Variants in RNF180 observed in about 807,000 individuals in gnomAD.
RNF180 encodes the protein E3 ubiquitin-protein ligase RNF180.
A neutral mutation model predicts 59.2 loss-of-function variants in RNF180; 38 were observed. That is an observed-to-expected ratio of 0.64 (90% CI 0.50 to 0.84). The LOEUF (loss-of-function observed/expected upper bound fraction) is 0.84, where lower values mean the gene tolerates loss of function less well. Ranked by LOEUF, RNF180 falls within the 40% of genes least tolerant of loss-of-function variation. The pLI, the probability that RNF180 is intolerant of heterozygous loss-of-function variation, is 0.00. For synonymous variants in RNF180, 262 were observed against 240.3 expected (o/e 1.09, Z -0.84); for missense variants, 705 against 700.9 (o/e 1.01, Z -0.07).
At chr5:64,317,103 T>C (rs1744078299) in intron 5 of RNF180, among the ~76,000 whole-genome samples, 1 of 152,170 alleles carries the variant, frequency 6.6e-6, no homozygotes, top group Non-Finnish European at 1.5e-5. Flanking sequence ...CACATATAAG[T>C]GGACCCACCC....
chr5:64,213,274 T>C (rs1752404145), intron 3 of RNF180, among the ~76,000 whole-genome samples: 2 of 152,216 alleles, frequency 1.3e-5, no homozygotes, highest in African/African-American at 2.4e-5. Context: ...ACTGTATCCA[T>C]ATTCAACCTA....
chr5:64,370,406 AC>A lies in RNF180; in HGVS notation c.*593del, dbSNP rs1746621859. 2 of 151,874 alleles carry A rather than the reference AC, an allele frequency of 1.3e-5. No individual in the cohort carries two copies. Among genetic ancestry groups the A allele is most frequent in the South Asian group, 4.1e-4 (2 of 4,824 alleles). 9.4% of individuals were successfully genotyped at this position (151,874 alleles called of 1,614,324 possible). On this transcript the variant is annotated 3_prime_UTR_variant, in exon 8 of 8. Transcript: ENST00000389100. ...CATTTTAAATTATTATAAACAGAAT[AC>A]TAAATACAAATCATGAGACTAATCC...
intron 5 of RNF180, among the ~76,000 whole-genome samples, chr5:64,244,482 G>C (rs1205806728): frequency 6.6e-6 from 1 of 151,962 alleles, no homozygotes; most frequent in Non-Finnish European, 1.5e-5. Context: ...GTCGAAGAAA[G>C]GATATCAGAG....
intron 2 of RNF180, 124 bp downstream of exon 2, chr5:64,201,066 T>G: frequency 1.4e-6 from 1 of 738,582 alleles, no homozygotes. Context: ...GTCATGACTC[T>G]TTGTCTCTCA....
chr5:64,267,686 C>T (rs1282510472), intron 5 of RNF180, among the ~76,000 whole-genome samples: 6 of 152,112 alleles, frequency 3.9e-5, no homozygotes, highest in African/African-American at 1.4e-4. Flanking sequence ...ATGAACTCAT[C>T]ATTTTTTATG....
At chr5:64,237,246 C>T (rs1322581816) in intron 5 of RNF180, among the ~76,000 whole-genome samples, 2 of 152,256 alleles carry the variant, frequency 1.3e-5, no homozygotes, top group Admixed American at 6.5e-5. Flanking sequence ...GGAGCCCACT[C>T]ATTGCATCAG....
chr5:64,223,733 C>T (rs1741491133), intron 5 of RNF180, among the ~76,000 whole-genome samples: 1 of 151,670 alleles, frequency 6.6e-6, no homozygotes, highest in Non-Finnish European at 1.5e-5. Context: ...TATCTTTATT[C>T]TTCATTCATC....
chr5:64,231,929 T>A (rs1742125311), intron 5 of RNF180, among the ~76,000 whole-genome samples: 1 of 152,190 alleles, frequency 6.6e-6, no homozygotes, highest in African/African-American at 2.4e-5. Flanking sequence ...AAAATGTTCC[T>A]TTATTTTAAG....
intron 1 of RNF180, among the ~76,000 whole-genome samples, chr5:64,179,093 A>T: frequency 6.6e-6 from 1 of 152,182 alleles, no homozygotes; most frequent in East Asian, 1.9e-4. Context: ...CTTAAATGGA[A>T]ATCGAATGCT....
intron 5 of RNF180, among the ~76,000 whole-genome samples, chr5:64,322,757 G>T (rs530567896): frequency 6.6e-6 from 1 of 152,100 alleles, no homozygotes; most frequent in African/African-American, 2.4e-5. Flanking sequence ...ACCAAACATT[G>T]TATGTTCTCA....
chr5:64,333,619 T>G (rs1192209250), intron 7 of RNF180, among the ~76,000 whole-genome samples: 1 of 151,380 alleles, frequency 6.6e-6, no homozygotes, highest in Non-Finnish European at 1.5e-5. Context: ...CTACCTTCTA[T>G]GCTATACCCA....
chr5:64,200,372 T>C (rs546163938), intron 1 of RNF180, among the ~76,000 whole-genome samples: 3 of 152,196 alleles, frequency 2.0e-5, no homozygotes, highest in Non-Finnish European at 4.4e-5. Flanking sequence ...AGAGGATTGC[T>C]TGAGCCCAGG....
intron 7 of RNF180, among the ~76,000 whole-genome samples, chr5:64,366,542 C>T (rs1746455572): frequency 6.6e-6 from 1 of 151,474 alleles, no homozygotes; most frequent in Non-Finnish European, 1.5e-5. Context: ...AATATGTTTT[C>T]CAAGTTGCTT....
intron 2 of RNF180, among the ~76,000 whole-genome samples, chr5:64,209,783 T>A (rs1409158521): frequency 6.6e-6 from 1 of 152,108 alleles, no homozygotes; most frequent in Non-Finnish European, 1.5e-5. Flanking sequence ...AAAGAATTCA[T>A]TAGAGTTATG....
At chr5:64,295,717 A>G (rs1742852484) in intron 5 of RNF180, among the ~76,000 whole-genome samples, 1 of 152,088 alleles carries the variant, frequency 6.6e-6, no homozygotes, top group African/African-American at 2.4e-5. Flanking sequence ...CATTTAGGTT[A>G]GTTTTTGTCT....
At chr5:64,263,160 T>C (rs1271215182) in intron 5 of RNF180, among the ~76,000 whole-genome samples, 2 of 152,130 alleles carry the variant, frequency 1.3e-5, no homozygotes, top group Non-Finnish European at 2.9e-5. Flanking sequence ...AAAATTCTGT[T>C]TATTTATTCA....
At chr5:64,284,513 A>T (rs1401185394) in intron 5 of RNF180, among the ~76,000 whole-genome samples, 3 of 152,198 alleles carry the variant, frequency 2.0e-5, no homozygotes, top group Non-Finnish European at 4.4e-5. Flanking sequence ...CTCTTTTCAT[A>T]ATCCCACATA....
chr5:64,340,714 C>G (rs906047826), intron 7 of RNF180, among the ~76,000 whole-genome samples: 5 of 151,992 alleles, frequency 3.3e-5, no homozygotes, highest in African/African-American at 4.8e-5. Context: ...CCTGCAAATT[C>G]TGAACTTGTT....
intron 1 of RNF180, among the ~76,000 whole-genome samples, chr5:64,172,698 C>T (rs190241512): frequency 5.3e-4 from 81 of 152,274 alleles, no homozygotes; most frequent in Middle Eastern, 3.4e-3. Flanking sequence ...TAGGATGCCT[C>T]CTCAGTGCAC....
Sources: gnomAD v4.1 joint callset for allele counts (sites outside exome capture counted in the v4.1 genomes callset) on GRCh38, gnomAD v4.1.1 for gene constraint, MANE v1.5 for transcripts, NCBI Gene and HGNC (gene_info 2026-07-23, HGNC 2026-07-21) for gene names.